ERC2: variants seen among roughly 807,000 people sequenced by gnomAD.
ERC2 encodes ELKS/RAB6-interacting/CAST family member 2.
In ERC2, 42 loss-of-function variants were observed where a neutral mutation model predicts 114.8. The ratio of observed to expected loss-of-function variants is 0.37; its 90% confidence interval spans 0.29 to 0.47. The LOEUF (loss-of-function observed/expected upper bound fraction) is 0.47, where lower values mean the gene tolerates loss of function less well. ERC2 is among the 20% of genes least tolerant of loss of function. ERC2 has a pLI of 0.99. For synonymous variants in ERC2, 454 were observed against 425.5 expected, an observed-to-expected ratio of 1.07 and a Z score of -0.82; for missense variants, 939 against 1,150.7, an observed-to-expected ratio of 0.82 and a Z score of 2.66.
chr3:56,138,958 G>C (rs1404700537), intron 6 of ERC2, among the ~76,000 whole-genome samples: 1 of 152,130 alleles, frequency 6.6e-6, no homozygotes, highest in East Asian at 1.9e-4. Flanking sequence ...TTTCTTCAAT[G>C]GGTAAAAGAA....
intron 7 of ERC2, among the ~76,000 whole-genome samples, chr3:56,041,912 C>T (rs952471846): frequency 2.0e-5 from 3 of 152,158 alleles, no homozygotes; most frequent in Non-Finnish European, 4.4e-5. Flanking sequence ...AAATGGAAGC[C>T]ACTAAATACT....
intron 14 of ERC2, among the ~76,000 whole-genome samples, chr3:55,834,804 A>AAACTAATGAAT (rs531213332): frequency 9.9e-6 from 1 of 100,710 alleles, no homozygotes; most frequent in East Asian, 2.8e-4. Context: ...ACCCTTCAAA[A>AAACTAATGAAT]CCAGGAGCTG....
chr3:56,419,452 G>A (rs1559476717), intron 2 of ERC2, among the ~76,000 whole-genome samples: 1 of 152,174 alleles, frequency 6.6e-6, no homozygotes, highest in Non-Finnish European at 1.5e-5. Context: ...ACTTATTCCT[G>A]AAGGTAGACT....
intron 12 of ERC2, 103 bp from the exon 13 acceptor site, chr3:55,950,663 G>T (rs1306462825): frequency 4.7e-6 from 6 of 1,282,164 alleles, no homozygotes; most frequent in Middle Eastern, 2.0e-4. Flanking sequence ...CTGGATAAGG[G>T]CTTGGGAAAA....
At chr3:56,221,202 T>C (rs1200504224) in intron 3 of ERC2, among the ~76,000 whole-genome samples, 2 of 152,058 alleles carry the variant, frequency 1.3e-5, no homozygotes, top group African/African-American at 4.8e-5. Flanking sequence ...GCTATTACTA[T>C]GATTCTCTTT....
intron 7 of ERC2, among the ~76,000 whole-genome samples, chr3:56,032,128 AC>A (rs750486740): frequency 3.3e-5 from 5 of 152,256 alleles, no homozygotes; most frequent in South Asian, 2.1e-4. Context: ...TTTGCTTTCC[AC>A]AAAAAGTGGA....
chr3:55,573,218 A>G lies in ERC2; in HGVS notation c.*40-61942T>C, dbSNP rs189696705. ...TGGAACAGACCAAATCTTACCTCCAATGTTTATTAGCAAAGTATTTAGTTT... is the reference window on the plus strand; with the variant it reads ...TGGAACAGACCAAATCTTACCTCCAGTGTTTATTAGCAAAGTATTTAGTTT... On this transcript the variant is annotated intron_variant, in intron 17 of 17. Coordinates refer to ENST00000288221, the MANE Select transcript of ERC2 (RefSeq NM_015576.3). Among the ~76,000 whole-genome samples, 1,487 of 151,830 alleles carry G rather than the reference A, an allele frequency of 9.8e-3. 22 individuals carry two copies. Among genetic ancestry groups the G allele is most frequent in the African/African-American group, 0.033 (1,354 of 41,104 alleles).
chr3:56,101,846 G>A (rs1031073781), intron 6 of ERC2, among the ~76,000 whole-genome samples: 18 of 152,164 alleles, frequency 1.2e-4, no homozygotes, highest in African/African-American at 4.3e-4. Flanking sequence ...ATGTCAAGGG[G>A]TTTGTGCTCA....
At chr3:55,776,637 A>G (rs2068642521) in intron 14 of ERC2, among the ~76,000 whole-genome samples, 1 of 152,202 alleles carries the variant, frequency 6.6e-6, no homozygotes, top group Admixed American at 6.5e-5. Flanking sequence ...GCTGTGGGAC[A>G]GCTAGACCTG....
At chr3:55,711,950 C>A (rs571204815) in intron 15 of ERC2, among the ~76,000 whole-genome samples, 2 of 152,328 alleles carry the variant, frequency 1.3e-5, no homozygotes, top group South Asian at 4.1e-4. Flanking sequence ...AATCAACATC[C>A]AGCCTGTACC....
At chr3:55,665,257 C>G (rs2061314710) in intron 17 of ERC2, among the ~76,000 whole-genome samples, 1 of 152,170 alleles carries the variant, frequency 6.6e-6, no homozygotes, top group African/African-American at 2.4e-5. Flanking sequence ...TATTTGGTTG[C>G]CCCAAGCTAC....
rs1207548520 is a variant in ERC2, at chr3:56,151,649, G to A, written c.1150-2517C>T. On this transcript the variant is annotated intron_variant, in intron 4 of 17. Coordinates refer to ENST00000288221, the MANE Select transcript of ERC2 (RefSeq NM_015576.3). ...ACTGCATCAGTCCAAAGAATTTAGA[G>A]GGAAGGAATTTTATCATTTTCTTTT... 3.9e-5 allele frequency among the ~76,000 whole-genome samples: 6 copies of A among 152,224 alleles called. No homozygotes were observed. The East Asian group carries it at 1.2e-3, about 29-fold the overall frequency.
At chr3:56,297,649 T>C (rs1455014092) in intron 2 of ERC2, among the ~76,000 whole-genome samples, 1 of 152,218 alleles carries the variant, frequency 6.6e-6, no homozygotes, top group African/African-American at 2.4e-5. Flanking sequence ...CAGCTGTTCA[T>C]TCGCCAAACA....
chr3:55,631,334 G>A (rs1324058895), intron 17 of ERC2, among the ~76,000 whole-genome samples: 1 of 152,200 alleles, frequency 6.6e-6, no homozygotes, highest in Non-Finnish European at 1.5e-5. Context: ...GCAAGGGTTA[G>A]TCAATAGCTT....
At chr3:56,226,002 T>G (rs549089576) in intron 3 of ERC2, among the ~76,000 whole-genome samples, 2 of 152,340 alleles carry the variant, frequency 1.3e-5, no homozygotes, top group South Asian at 4.1e-4. Flanking sequence ...TCTTTCTGTT[T>G]ATTGAAGTAC....
intron 17 of ERC2, among the ~76,000 whole-genome samples, chr3:55,620,372 T>G (rs1472982681): frequency 1.3e-5 from 2 of 152,204 alleles, no homozygotes; most frequent in Non-Finnish European, 2.9e-5. Context: ...TTTAGATGTA[T>G]AAACTCAACT....
chr3:56,252,239 T>G (rs968797272), intron 3 of ERC2, among the ~76,000 whole-genome samples: 2 of 152,236 alleles, frequency 1.3e-5, no homozygotes, highest in African/African-American at 4.8e-5. Context: ...CTTATGGTTA[T>G]TTTTTAATCT....
intron 14 of ERC2, among the ~76,000 whole-genome samples, chr3:55,773,370 T>C (rs1465947419): frequency 1.3e-5 from 2 of 152,236 alleles, no homozygotes; most frequent in Middle Eastern, 3.2e-3. Flanking sequence ...GCCTTCTCTA[T>C]GAGGTCTTTT....
chr3:55,599,418 T>A (rs917430647), intron 17 of ERC2, among the ~76,000 whole-genome samples: 1 of 152,230 alleles, frequency 6.6e-6, no homozygotes, highest in Non-Finnish European at 1.5e-5. Flanking sequence ...TTAAGTAATG[T>A]TTTTAAATTT....
Sources: allele counts gnomAD v4.1 joint callset (sites outside exome capture counted in the v4.1 genomes callset), GRCh38; gene constraint gnomAD v4.1.1; transcripts MANE v1.5; gene names NCBI Gene and HGNC (gene_info 2026-07-23, HGNC 2026-07-21).